The following RUNX3 variants were observed in gnomAD, a reference collection of about 807,000 sequenced individuals.
The protein encoded by RUNX3 is RUNX family transcription factor 3.
A neutral mutation model predicts 27.7 loss-of-function variants in RUNX3; 10 were observed. The observed-to-expected ratio is 0.36, with a 90% CI of 0.22 to 0.61. The LOEUF (loss-of-function observed/expected upper bound fraction) is 0.61. Among genes scored for constraint, RUNX3 ranks in the 20% least tolerant of loss-of-function variants. The pLI is 0.72. For synonymous variants in RUNX3, 270 were observed against 269.2 expected (o/e 1.00, Z -0.03); for missense variants, 469 against 629.5 (o/e 0.75, Z 2.73).
chr1:24,954,749 G>A (rs887690046), intron 2 of RUNX3, among the ~76,000 whole-genome samples: 1 of 152,188 alleles, frequency 6.6e-6, no homozygotes, highest in Admixed American at 6.5e-5. Context: ...AGTGTGCTTC[G>A]GCTGCTCAGG....
intron 4 of RUNX3, among the ~76,000 whole-genome samples, chr1:24,905,926 G>A (rs762332017): frequency 1.3e-5 from 2 of 152,224 alleles, no homozygotes; most frequent in African/African-American, 4.8e-5. Flanking sequence ...TCCTGGGCTC[G>A]AGAGCTGAGA....
At chr1:24,958,424 A>C (rs556220441) in intron 2 of RUNX3, among the ~76,000 whole-genome samples, 1 of 152,272 alleles carries the variant, frequency 6.6e-6, no homozygotes, top group South Asian at 2.1e-4. Context: ...ACCTCTTTAG[A>C]CCTCAGTTTC....
chr1:24,902,383 G>C lies in RUNX3; in HGVS notation c.987C>G (p.Pro329=). 6.2e-7 allele frequency: 1 copy of C among 1,612,584 alleles called. No homozygotes were observed. Among genetic ancestry groups the C allele is most frequent in the Non-Finnish European group, 8.5e-7 (1 of 1,179,864 alleles). ...AGGATGTCCCGTAGTAGAGGTGGTA[G>C]GGGGACGGGTTGGCCTGGAAGGGCC... ...QSGPFQANPS[P]YHLYYGTSSG... Residue 329 remains proline (P), a synonymous_variant, in exon 5 of 5, where the codon CCC becomes CCG. Transcript: ENST00000308873. This position sits in a 1 kb window ranked among gnomAD's most constrained non-coding sequence, Gnocchi z 9.2.
At chr1:24,925,408 G>A (rs1641079600) in intron 2 of RUNX3, among the ~76,000 whole-genome samples, 1 of 150,338 alleles carries the variant, frequency 6.7e-6, no homozygotes, top group South Asian at 2.1e-4. Flanking sequence ...CCAGGCATTT[G>A]AAGTAACAAA....
chr1:24,935,728 T>G (rs1641333427), intron 2 of RUNX3, among the ~76,000 whole-genome samples: 1 of 152,256 alleles, frequency 6.6e-6, no homozygotes, highest in South Asian at 2.1e-4. Flanking sequence ...CTTTGATCAT[T>G]GGTCTATGAC....
chr1:24,929,228 C>T, intron 1 of RUNX3: 1 of 531,086 alleles, frequency 1.9e-6, no homozygotes, highest in Non-Finnish European at 3.6e-6. Context: ...CCCGCGGTGT[C>T]CTTGCCCCTG....
At chr1:24,915,240 A>G (rs1640866758) in intron 3 of RUNX3, among the ~76,000 whole-genome samples, 1 of 152,184 alleles carries the variant, frequency 6.6e-6, no homozygotes. Flanking sequence ...CCTGGCCAAC[A>G]TGGTGAAACC....
At chr1:24,933,602 A>G (rs200012405), upstream of RUNX3, among the ~76,000 whole-genome samples, 1 of 152,244 alleles carries the variant, frequency 6.6e-6, no homozygotes, top group African/African-American at 2.4e-5. Flanking sequence ...ACTGGCTGTG[A>G]CCTACCTCCA....
chr1:24,944,692 C>T lies in RUNX3; in HGVS notation c.59-14840G>A, dbSNP rs1056977370. Among the ~76,000 whole-genome samples the T allele has an allele frequency of 4.6e-5, 7 of 152,104 alleles. No individual in the cohort carries two copies. In the East Asian group the frequency reaches 9.6e-4, roughly 21 times the overall value. On this transcript the variant is annotated intron_variant, in intron 2 of 6. Transcript: ENST00000338888. ...GATTAGGGAACCTGAGAGATGGCAG[C>T]GTGGGAAAAACATGGCTCAAAGCTG...
At chr1:24,933,583 G>C (rs1641281199), upstream of RUNX3, among the ~76,000 whole-genome samples, 1 of 152,210 alleles carries the variant, frequency 6.6e-6, no homozygotes, top group Admixed American at 6.5e-5. Context: ...CTGCCTGGGG[G>C]AGGTAAGGAC....
chr1:24,964,784 G>C, intron 1 of RUNX3: 1 of 1,254,260 alleles, frequency 8.0e-7, no homozygotes, highest in East Asian at 2.6e-5. Context: ...GAGAGTGTGT[G>C]TGAGTGAGAG....
In RUNX3 at chr1:24,902,140, G is replaced by C; in HGVS notation, c.1230C>G (p.Ala410=). 1 of 1,556,316 alleles carries C rather than the reference G, an allele frequency of 6.4e-7. No homozygotes were observed. The highest frequency in any genetic ancestry group is 1.2e-5 in the South Asian group (1 of 84,870). The part of the protein sequence containing the change: ...ALSTPGRMDE[A]VWRPY Reference sequence around the variant, plus strand: ...AGGGCGGTCAGTAGGGCCGCCACACGGCCTCATCCATGCGGCCTGGCGTGC... The same window carrying C: ...AGGGCGGTCAGTAGGGCCGCCACACCGCCTCATCCATGCGGCCTGGCGTGC... The change falls in exon 5 of 5, where the codon GCC becomes GCG. Residue 410 remains alanine (A), a synonymous_variant. Coordinates refer to ENST00000308873, the MANE Select transcript of RUNX3 (RefSeq NM_004350.3). This position sits in a 1 kb window ranked among gnomAD's most constrained non-coding sequence, Gnocchi z 9.2.
chr1:24,921,467 T>C (rs1305844093), intron 2 of RUNX3, among the ~76,000 whole-genome samples: 2 of 152,168 alleles, frequency 1.3e-5, no homozygotes, highest in Non-Finnish European at 2.9e-5. Flanking sequence ...GAGGCAGGGA[T>C]AGAAATTCTG....
At position 24,916,057 on chromosome 1, in the gene RUNX3, AC is replaced by A; in HGVS notation, c.544+3182del. Among the ~76,000 whole-genome samples, 1 of 152,210 alleles carries A rather than the reference AC, an allele frequency of 6.6e-6. No individual in the cohort carries two copies. The highest frequency in any genetic ancestry group is 2.4e-5 in the African/African-American group (1 of 41,518). ...CTCTGCAGGGCACCAGAGGGGAACG[AC>A]CCGGCCACAGAACCCACAGCCGGCC... On this transcript the variant is annotated intron_variant, in intron 3 of 4. Coordinates refer to ENST00000308873, the MANE Select transcript of RUNX3 (RefSeq NM_004350.3). This position sits in a 1 kb window ranked among gnomAD's most constrained non-coding sequence, Gnocchi z 4.8.
intron 2 of RUNX3, among the ~76,000 whole-genome samples, chr1:24,952,611 C>T (rs1203555187): frequency 1.3e-5 from 2 of 152,172 alleles, no homozygotes; most frequent in Non-Finnish European, 2.9e-5. Context: ...AACACCCTCT[C>T]GCAGGGATGA....
At chr1:24,922,458 G>A (rs1428261973) in intron 2 of RUNX3, among the ~76,000 whole-genome samples, 1 of 151,876 alleles carries the variant, frequency 6.6e-6, no homozygotes, top group Non-Finnish European at 1.5e-5. Context: ...AAACCACAGA[G>A]GTATTATCAG....
At chr1:24,912,514 C>A (rs1243977467) in intron 3 of RUNX3, among the ~76,000 whole-genome samples, 1 of 152,100 alleles carries the variant, frequency 6.6e-6, no homozygotes, top group East Asian at 1.9e-4. Flanking sequence ...CACAGTAGAT[C>A]CCCATCACAC....
At chr1:24,941,218 G>A (rs944590800) in intron 2 of RUNX3, among the ~76,000 whole-genome samples, 8 of 152,056 alleles carry the variant, frequency 5.3e-5, no homozygotes, top group African/African-American at 1.9e-4. Context: ...TGCTGAGCAC[G>A]CTCCCCAAGC....
At chr1:24,905,170 G>A (rs1324608544) in intron 4 of RUNX3, among the ~76,000 whole-genome samples, 1 of 152,182 alleles carries the variant, frequency 6.6e-6, no homozygotes, top group Non-Finnish European at 1.5e-5. Context: ...GGATCCCCAG[G>A]AGGGAGTCCG....
Sources: allele counts gnomAD v4.1 joint callset (sites outside exome capture counted in the v4.1 genomes callset), GRCh38; gene constraint gnomAD v4.1.1; non-coding constraint Gnocchi (gnomAD v3.1); transcripts MANE v1.5; gene names NCBI Gene and HGNC (gene_info 2026-07-23, HGNC 2026-07-21).